Variants in MTFR1 observed in about 807,000 individuals in gnomAD.
MTFR1 encodes the protein chondrocyte protein with a poly-proline region.
A neutral mutation model predicts 38.8 loss-of-function variants in MTFR1; 28 were observed. The observed-to-expected ratio is 0.72, with a 90% CI of 0.53 to 0.99. MTFR1 has a LOEUF of 0.99. MTFR1 is among the 50% of genes least tolerant of loss of function. The probability of loss-of-function intolerance (pLI) is 0.00; values close to 1 mark genes in which losing one functional copy is unlikely to be tolerated. For synonymous variants in MTFR1, 145 were observed against 137.0 expected (o/e 1.06, Z -0.41); for missense variants, 358 against 395.5 (o/e 0.91, Z 0.81).
intron 3 of MTFR1, among the ~76,000 whole-genome samples, chr8:65,736,714 C>T (rs147012213): frequency 2.1e-3 from 321 of 151,140 alleles, no homozygotes; most frequent in Non-Finnish European, 3.6e-3. Context: ...CACGCCACTG[C>T]ACTCAAGCCT....
rs1401269488 is a variant in MTFR1, at chr8:65,710,202, G to A, written c.*1158G>A. 6.6e-6 allele frequency: 1 copy of A among 152,174 alleles called. No homozygotes were observed. Among genetic ancestry groups the A allele is most frequent in the Non-Finnish European group, 1.5e-5 (1 of 68,016 alleles). 9.4% of individuals were successfully genotyped at this position (152,174 alleles called of 1,614,324 possible). ...GGAATATTTAAATCTAGTAAAAGAA[G>A]AAAGTTGTACTTCCTGGCTGGGAGT... is the stretch of plus-strand genomic sequence containing the variant. On this transcript the variant is annotated 3_prime_UTR_variant, in exon 8 of 8. Transcript: ENST00000262146.
At chr8:65,701,537 A>C (rs1340990688) in intron 4 of MTFR1, among the ~76,000 whole-genome samples, 2 of 152,372 alleles carry the variant, frequency 1.3e-5, no homozygotes, top group South Asian at 4.1e-4. Context: ...AAGCTCACTT[A>C]CTAAATACAA....
chr8:65,665,199 C>G (rs1804347120), intron 1 of MTFR1, among the ~76,000 whole-genome samples: 1 of 152,134 alleles, frequency 6.6e-6, no homozygotes, highest in African/African-American at 2.4e-5. Context: ...TCCCAAAGTG[C>G]TGGGATTACA....
chr8:65,726,028 C>CA (rs1408154590), intron 3 of MTFR1, among the ~76,000 whole-genome samples: 3 of 152,094 alleles, frequency 2.0e-5, no homozygotes, highest in African/African-American at 7.2e-5. Flanking sequence ...TTCTCATGGT[C>CA]ATTACACAAA....
rs558980021 is a variant in MTFR1, at chr8:65,726,954, G to A, written c.*48+7473G>A. The stretch of plus-strand genomic sequence containing the variant: ...GCAGATCTCCAGTGGTGATTTTCCA[G>A]TACTGAGGTATTCTACAACAAAGGA... On this transcript the variant is annotated intron_variant, in intron 3 of 3. Coordinates refer to the MTFR1 transcript ENST00000521247. 4.4e-6 allele frequency: 7 copies of A among 1,589,990 alleles called. No individual in the cohort carries two copies. In the South Asian group the frequency reaches 4.4e-5, roughly 10 times the overall value.
chr8:65,747,128 C>T (rs1378130680), intron 3 of MTFR1, among the ~76,000 whole-genome samples: 1 of 152,082 alleles, frequency 6.6e-6, no homozygotes, highest in Non-Finnish European at 1.5e-5. Context: ...TCTCTCAATG[C>T]AAGAGACTAT....
intron 4 of MTFR1, 111 bp downstream of exon 4, chr8:65,693,870 CTCT>C: frequency 2.6e-6 from 2 of 770,076 alleles, no homozygotes; most frequent in South Asian, 1.7e-5. Context: ...GTAATGCACC[CTCT>C]TCTTTTTCTT....
downstream of MTFR1, chr8:65,714,672 C>G (rs1002645003): frequency 6.6e-6 from 1 of 152,128 alleles, no homozygotes; most frequent in African/African-American, 2.4e-5. Context: ...TCAGGAGATA[C>G]CGATTGAGGG....
chr8:65,755,168 A>G (rs1808166598), intron 3 of MTFR1, among the ~76,000 whole-genome samples: 1 of 149,480 alleles, frequency 6.7e-6, no homozygotes, highest in African/African-American at 2.5e-5. Flanking sequence ...CTATAGGTGC[A>G]TGCCACCACG....
At chr8:65,669,343 A>G (rs1216379306) in intron 1 of MTFR1, among the ~76,000 whole-genome samples, 2 of 152,226 alleles carry the variant, frequency 1.3e-5, no homozygotes, top group Non-Finnish European at 2.9e-5. Context: ...TGTGTAGCCT[A>G]TAAATTAGTT....
intron 1 of MTFR1, among the ~76,000 whole-genome samples, chr8:65,648,269 G>A (rs558831953): frequency 3.9e-5 from 6 of 152,030 alleles, no homozygotes; most frequent in African/African-American, 9.7e-5. Context: ...CGCCCACCTC[G>A]GCCTCCCAAA....
chr8:65,708,827 C>A, intron 7 of MTFR1, 149 bp from the exon 8 acceptor site: 1 of 686,832 alleles, frequency 1.5e-6, no homozygotes, highest in Non-Finnish European at 2.5e-6. Flanking sequence ...AACAACCCAT[C>A]AATTTGTAAA....
At chr8:65,723,079 T>TG (rs1346399011) in intron 3 of MTFR1, 1 of 152,976 alleles carries the variant, frequency 6.5e-6, no homozygotes, top group Non-Finnish European at 1.5e-5. Context: ...TCTAGGATGT[T>TG]GAAGAGTTAG....
At chr8:65,686,924 CAA>C (rs780813271) in intron 3 of MTFR1, among the ~76,000 whole-genome samples, 18 of 130,546 alleles carry the variant, frequency 1.4e-4, no homozygotes, top group Admixed American at 2.3e-4. Context: ...ACTCCATCTC[CAA>C]AAAAAAAAAA....
chr8:65,754,200 G>A (rs1285956918), intron 3 of MTFR1, among the ~76,000 whole-genome samples: 1 of 151,986 alleles, frequency 6.6e-6, no homozygotes, highest in African/African-American at 2.4e-5. Flanking sequence ...ATGTTTTTCT[G>A]CTTGCTTTAT....
chr8:65,727,577 A>G (rs1449922243), intron 3 of MTFR1: 2 of 287,820 alleles, frequency 6.9e-6, no homozygotes, highest in Non-Finnish European at 1.3e-5. Flanking sequence ...AGCTTAATTA[A>G]AATGGCAGCT....
chr8:65,695,576 T>C (rs1199035847), intron 4 of MTFR1, among the ~76,000 whole-genome samples: 2 of 152,138 alleles, frequency 1.3e-5, no homozygotes, highest in Non-Finnish European at 2.9e-5. Flanking sequence ...AGGCTGGTCT[T>C]GAACTCCTGA....
downstream of MTFR1, among the ~76,000 whole-genome samples, chr8:65,711,139 T>C (rs1484320461): frequency 6.6e-6 from 1 of 152,182 alleles, no homozygotes; most frequent in Non-Finnish European, 1.5e-5. Flanking sequence ...TAGTTTCCAA[T>C]AAAATGATTT....
upstream of MTFR1, among the ~76,000 whole-genome samples, chr8:65,644,530 C>G (rs1444470771): frequency 6.6e-6 from 1 of 152,254 alleles, no homozygotes; most frequent in African/African-American, 2.4e-5. Flanking sequence ...AAGCAAGGTC[C>G]GCACAAAAGC....
Sources: allele counts gnomAD v4.1 joint callset (sites outside exome capture counted in the v4.1 genomes callset), GRCh38; gene constraint gnomAD v4.1.1; transcripts MANE v1.5; gene names NCBI Gene and HGNC (gene_info 2026-07-23, HGNC 2026-07-21).